The following SNX29 variants were observed in gnomAD, a reference collection of about 807,000 sequenced individuals.
SNX29 encodes sorting nexin-29.
Under a neutral mutation model 102.1 loss-of-function variants are expected in SNX29, and 78 were observed. The ratio of observed to expected loss-of-function variants is 0.76; its 90% CI spans 0.64 to 0.92. The LOEUF (loss-of-function observed/expected upper bound fraction) is 0.92. Ranked by LOEUF, SNX29 falls within the 40% of genes least tolerant of loss-of-function variation. The pLI, the probability that SNX29 is intolerant of heterozygous loss-of-function variation, is 0.00. For missense variants in SNX29, 1,280 were observed against 1,061.7 expected, an observed-to-expected ratio of 1.21 and a Z score of -2.86; for synonymous variants, 580 against 414.5, an observed-to-expected ratio of 1.40 and a Z score of -4.85.
At chr16:12,049,770 T>A (rs1221383606) in intron 7 of SNX29, among the ~76,000 whole-genome samples, 1 of 151,776 alleles carries the variant, frequency 6.6e-6, no homozygotes, top group East Asian at 1.9e-4. Flanking sequence ...AAATTGGAAA[T>A]TTTGTTGTAG....
intron 14 of SNX29, among the ~76,000 whole-genome samples, chr16:12,218,293 A>G (rs2077378656): frequency 6.6e-6 from 1 of 151,574 alleles, no homozygotes; most frequent in Non-Finnish European, 1.5e-5. Context: ...TACCCTTTTT[A>G]GATCACCAGA....
intron 16 of SNX29, among the ~76,000 whole-genome samples, chr16:12,394,403 G>A (rs2083645944): frequency 6.6e-6 from 1 of 152,196 alleles, no homozygotes; most frequent in South Asian, 2.1e-4. Context: ...TTCCACCTAT[G>A]CTACTTACTA....
chr16:12,564,215 C>T (rs1026928757), intron 20 of SNX29, among the ~76,000 whole-genome samples: 12 of 137,078 alleles, frequency 8.8e-5, no homozygotes, highest in Admixed American at 3.5e-4. Flanking sequence ...TAGGGAGACC[C>T]CCACATCTCT....
chr16:12,014,748 A>G (rs1281222364), intron 3 of SNX29, among the ~76,000 whole-genome samples: 1 of 151,426 alleles, frequency 6.6e-6, no homozygotes, highest in East Asian at 1.9e-4. Context: ...AAAAAAAAAA[A>G]AAGAAAAGAA....
At chr16:12,285,560 T>A (rs990453547) in intron 15 of SNX29, among the ~76,000 whole-genome samples, 33 of 151,972 alleles carry the variant, frequency 2.2e-4, no homozygotes, top group African/African-American at 7.0e-4. Flanking sequence ...AATACACTCA[T>A]AATCACACGC....
intron 15 of SNX29, among the ~76,000 whole-genome samples, chr16:12,325,516 AC>A (rs2081087745): frequency 6.6e-6 from 1 of 152,124 alleles, no homozygotes; most frequent in African/African-American, 2.4e-5. Context: ...AAAAGCAAGA[AC>A]TCATTGCTGA....
In SNX29 at chr16:12,522,749, C is replaced by T. The variant is rs557857941; in HGVS notation, c.2179-1953C>T. 3.3e-5 allele frequency among the ~76,000 whole-genome samples: 5 copies of T among 152,328 alleles called. No individual in the cohort carries two copies. The South Asian group carries it at 1.0e-3, about 32-fold the overall frequency. On this transcript the variant is annotated intron_variant, in intron 19 of 20. Coordinates refer to ENST00000566228, the MANE Select transcript of SNX29 (RefSeq NM_032167.5). Reference sequence around the variant, plus strand: ...CATGTTTCCTGTACAGCCTGCGAAACCATGAGCCAGTTAAACCTCTTTTCT... The same window carrying T: ...CATGTTTCCTGTACAGCCTGCGAAATCATGAGCCAGTTAAACCTCTTTTCT...
chr16:12,412,629 A>G (rs2084448553), intron 18 of SNX29, among the ~76,000 whole-genome samples: 2 of 152,302 alleles, frequency 1.3e-5, no homozygotes, highest in Middle Eastern at 3.4e-3. Flanking sequence ...TAGGCTTTGA[A>G]GAAAACTTAG....
At chr16:12,506,729 A>G (rs184446372) in intron 19 of SNX29, among the ~76,000 whole-genome samples, 1 of 152,330 alleles carries the variant, frequency 6.6e-6, no homozygotes, top group African/African-American at 2.4e-5. Context: ...GAGAACATCA[A>G]CTATGGTCAG....
intron 13 of SNX29, among the ~76,000 whole-genome samples, chr16:12,139,240 C>T (rs2054778751): frequency 6.9e-6 from 1 of 144,330 alleles, no homozygotes; most frequent in Non-Finnish European, 1.5e-5. Flanking sequence ...AGGCTTTGTG[C>T]AGCATCTCCT....
At position 12,540,319 on chromosome 16, in the gene SNX29, C is replaced by T. The variant is rs114703366; in HGVS notation, c.2318+15478C>T. On this transcript the variant is annotated intron_variant, in intron 20 of 20. Coordinates refer to ENST00000566228, the MANE Select transcript of SNX29 (RefSeq NM_032167.5). ...ACGGGGTGGCCCCACCCTCTTGGGA[C>T]CACAGCTCTTATGATTAAAGAGGAA... 1.4e-3 allele frequency among the ~76,000 whole-genome samples: 208 copies of T among 152,204 alleles called. 1 individual carries two copies. Among genetic ancestry groups the T allele is most frequent in the African/African-American group, 4.6e-3 (190 of 41,514 alleles).
chr16:12,200,229 CTAT>C (rs777379951), intron 14 of SNX29, among the ~76,000 whole-genome samples: 4 of 151,950 alleles, frequency 2.6e-5, no homozygotes, highest in Admixed American at 6.6e-5. Context: ...TAAATTTTAG[CTAT>C]TATTATTATT....
At chr16:12,384,761 TG>T (rs2083288164) in intron 16 of SNX29, among the ~76,000 whole-genome samples, 1 of 152,230 alleles carries the variant, frequency 6.6e-6, no homozygotes. Flanking sequence ...GGTTGCCTGC[TG>T]GGGTTTAAGT....
chr16:12,104,752 C>T (rs1005752794), intron 11 of SNX29, among the ~76,000 whole-genome samples: 8 of 152,104 alleles, frequency 5.3e-5, no homozygotes, highest in African/African-American at 1.9e-4. Flanking sequence ...ATACTGGAAA[C>T]CTCTTGTTAT....
At chr16:12,432,510 T>A (rs1027656863) in intron 18 of SNX29, among the ~76,000 whole-genome samples, 5 of 151,956 alleles carry the variant, frequency 3.3e-5, no homozygotes, top group African/African-American at 1.2e-4. Context: ...GGCAGGAGGA[T>A]CAGGCAGAGA....
intron 19 of SNX29, among the ~76,000 whole-genome samples, chr16:12,478,200 G>C (rs1597531737): frequency 2.0e-5 from 3 of 152,326 alleles, no homozygotes; most frequent in Non-Finnish European, 1.5e-5. Flanking sequence ...AGCAACCGTA[G>C]ACAGTACAGA....
chr16:12,301,285 C>G (rs1292794247), intron 15 of SNX29, among the ~76,000 whole-genome samples: 1 of 152,234 alleles, frequency 6.6e-6, no homozygotes, highest in Non-Finnish European at 1.5e-5. Context: ...CAAGCTGATT[C>G]CAAATCCGCC....
At chr16:12,387,371 C>T (rs1040087170) in intron 16 of SNX29, among the ~76,000 whole-genome samples, 1 of 152,156 alleles carries the variant, frequency 6.6e-6, no homozygotes, top group Non-Finnish European at 1.5e-5. Flanking sequence ...CTTGGGATAG[C>T]ACTCGAGCCT....
At position 12,568,491 on chromosome 16, in the gene SNX29, T is replaced by TC. The variant is rs773709840; in HGVS notation, c.2319-12dup. On this transcript the variant is annotated splice_polypyrimidine_tract_variant and intron_variant, in intron 20 of 20. Coordinates refer to ENST00000566228, the MANE Select transcript of SNX29 (RefSeq NM_032167.5). Reference sequence around the variant, plus strand: ...CATCCCCAGACTTAACCCGATTCTCTCCCTGCTCTTTCAGCGACATCACCC... The same window carrying TC: ...CATCCCCAGACTTAACCCGATTCTCTCCCCTGCTCTTTCAGCGACATCACCC... The TC allele has an allele frequency of 4.4e-6, 7 of 1,608,788 alleles. No individual in the cohort carries two copies. The African/African-American group carries it at 6.7e-5, about 15-fold the overall frequency.
Sources: gnomAD v4.1 joint callset for allele counts (sites outside exome capture counted in the v4.1 genomes callset) on GRCh38, gnomAD v4.1.1 for gene constraint, MANE v1.5 for transcripts, NCBI Gene and HGNC (gene_info 2026-07-23, HGNC 2026-07-21) for gene names.